The following THPO variants were observed in gnomAD, a reference collection of about 807,000 sequenced individuals.
THPO encodes the protein thrombopoietin, also known as MPL ligand.
In THPO, 12 loss-of-function variants were observed where a neutral mutation model predicts 17.0. The ratio of observed to expected loss-of-function variants is 0.71; its 90% CI spans 0.45 to 1.14. THPO has a LOEUF of 1.14. Ranked by LOEUF, THPO falls within the 50% of genes most tolerant of loss-of-function variation. The probability of loss-of-function intolerance (pLI) is 0.00; values close to 1 mark genes in which losing one functional copy is unlikely to be tolerated. For synonymous variants in THPO, 188 were observed against 183.0 expected (o/e 1.03, Z -0.22); for missense variants, 365 against 427.5 (o/e 0.85, Z 1.29).
At position 184,373,004 on chromosome 3, in the gene THPO, T is replaced by C. The variant is rs1231201913; in HGVS notation, c.571A>G (p.Thr191Ala). The change falls in exon 6 of 6, where the codon ACA becomes GCA. Residue 191 changes from threonine to alanine, a missense_variant. Physicochemically the swap from Thr to Ala is moderately conservative, Grantham distance 58. Transcript: ENST00000647395. ...GTCCTGTTTGGGAGCTCGTTCAGTG[T>C]GAGGACTAGAGAGGTTCTGCTGGGG... ...AVPSRTSLVL[T>A]LNELPNRTSG... 1 of 1,613,996 alleles carries C rather than the reference T, an allele frequency of 6.2e-7. No homozygotes were observed. Among genetic ancestry groups the C allele is most frequent in the Non-Finnish European group, 8.5e-7 (1 of 1,180,028 alleles).
At chr3:184,375,693 C>T (rs766628344) in intron 3 of THPO, 92 bp from the exon 4 acceptor site, 69 of 1,490,616 alleles carry the variant, frequency 4.6e-5, no homozygotes, top group Non-Finnish European at 6.0e-5. Context: ...TGAGTACTAT[C>T]TCTAGACGAG....
Position 184,372,362 on chromosome 3 carries a change from T to C in THPO, c.*151A>G, listed in dbSNP as rs1713959722. On this transcript the variant is annotated 3_prime_UTR_variant, in exon 6 of 6. Transcript: ENST00000647395. ...AAGGTTTATAATGTACAGTGAAAAATGATTCCCTTTTCAGTCCTGTGTATC... is the reference window on the plus strand; with the variant it reads ...AAGGTTTATAATGTACAGTGAAAAACGATTCCCTTTTCAGTCCTGTGTATC... 5 of 913,348 alleles carry C rather than the reference T, an allele frequency of 5.5e-6. No individual in the cohort carries two copies. Among genetic ancestry groups the C allele is most frequent in the Non-Finnish European group, 8.7e-6 (5 of 571,454 alleles). The allele number at this position is 913,348 out of a possible 1,614,324, so 56.6% of individuals were successfully genotyped here.
intron 3 of THPO, 45 bp downstream of exon 3, chr3:184,375,843 C>G (rs1017682549): frequency 1.3e-5 from 21 of 1,611,524 alleles, no homozygotes; most frequent in Non-Finnish European, 1.8e-5. Context: ...GTATGGGTGT[C>G]TTACCAGTTA....
intron 5 of THPO, 38 bp from the exon 6 acceptor site, chr3:184,373,216 GC>G (rs565431853): frequency 6.2e-7 from 1 of 1,606,000 alleles, no homozygotes; most frequent in South Asian, 1.1e-5. Flanking sequence ...AAACACCAGG[GC>G]CAGATCTCAG....
intron 1 of THPO, among the ~76,000 whole-genome samples, chr3:184,377,328 C>T (rs1279098435): frequency 1.3e-5 from 2 of 152,176 alleles, no homozygotes; most frequent in Non-Finnish European, 2.9e-5. Context: ...GACTCCAAGT[C>T]CTGAAATACT....
At position 184,373,008 on chromosome 3, in the gene THPO, G is replaced by A; in HGVS notation, c.567C>T (p.Val189=). 6.2e-7 allele frequency: 1 copy of A among 1,614,110 alleles called. No homozygotes were observed. Among genetic ancestry groups the A allele is most frequent in the Admixed American group, 1.7e-5 (1 of 60,020 alleles). Residue 189 remains valine, a synonymous_variant, in exon 6 of 6, where the codon GTC becomes GTT. Coordinates refer to ENST00000647395, the MANE Select transcript of THPO (RefSeq NM_000460.4). ...TTAVPSRTSL[V]LTLNELPNRT... ...TGTTTGGGAGCTCGTTCAGTGTGAG[G>A]ACTAGAGAGGTTCTGCTGGGGACAG...
At chr3:184,377,171 C>A (rs59414157) in intron 1 of THPO, among the ~76,000 whole-genome samples, 1 of 148,606 alleles carries the variant, frequency 6.7e-6, no homozygotes, top group Non-Finnish European at 1.5e-5. Context: ...GTAACTTCTG[C>A]GGTGGGGAGT....
At chr3:184,373,739 G>A (rs575468840) in intron 4 of THPO, among the ~76,000 whole-genome samples, 157 bp from the exon 5 acceptor site, 7 of 152,306 alleles carry the variant, frequency 4.6e-5, no homozygotes, top group East Asian at 1.9e-4. Flanking sequence ...ACAGTCTCCC[G>A]ACAGCTGGTC....
upstream of THPO, among the ~76,000 whole-genome samples, chr3:184,379,346 A>G (rs1483026337): frequency 6.6e-6 from 1 of 151,832 alleles, no homozygotes; most frequent in Non-Finnish European, 1.5e-5. Flanking sequence ...GGGTGAAGGA[A>G]GGGGGTGAGA....
Position 184,372,618 on chromosome 3 carries a change from C to A in THPO, c.957G>T (p.Gln319His). The change falls in exon 6 of 6, where the codon CAG becomes CAT. Residue 319 changes from glutamine (Q) to histidine (H), a missense_variant. By Grantham distance (24) the Gln-to-His change is conservative. Transcript: ENST00000647395. ...LPPTLPTPVV[Q>H]LHPLLPDPSA... is the part of the protein sequence containing the mutation. Reference sequence around the variant, plus strand: ...AAGGGTCAGGAAGCAGGGGGTGGAGCTGGACCACAGGGGTGGGCAAGGTGG... The same window carrying A: ...AAGGGTCAGGAAGCAGGGGGTGGAGATGGACCACAGGGGTGGGCAAGGTGG... The A allele has an allele frequency of 6.2e-7, 1 of 1,613,432 alleles. No homozygotes were observed. Among genetic ancestry groups the A allele is most frequent in the South Asian group, 1.1e-5 (1 of 91,002 alleles).
At position 184,372,679 on chromosome 3, in the gene THPO, G is replaced by A; in HGVS notation, c.896C>T (p.Pro299Leu). The change falls in exon 6 of 6, where the codon CCT (proline) becomes CTT (leucine). Residue 299 changes from proline (P) to leucine (L), a missense_variant. By Grantham distance (98) the Pro-to-Leu change is moderately conservative. Transcript: ENST00000647395. ...GAAGAGCGTATACTGTCCAGTAGGA[G>A]GATGGGTTGGGGAAGGAGAATATCC... ...QPGYSPSPTH[P>L]PTGQYTLFPL... The A allele has an allele frequency of 6.2e-7, 1 of 1,613,114 alleles. No individual in the cohort carries two copies.
intron 4 of THPO, among the ~76,000 whole-genome samples, chr3:184,374,380 T>C (rs1268902079): frequency 6.6e-6 from 1 of 152,168 alleles, no homozygotes; most frequent in Non-Finnish European, 1.5e-5. Context: ...TTCTTGAGGA[T>C]AGATTTTAGT....
chr3:184,377,414 CCTGCTG>C (rs1214819826), intron 1 of THPO, among the ~76,000 whole-genome samples: 1 of 152,210 alleles, frequency 6.6e-6, no homozygotes, highest in East Asian at 1.9e-4. Flanking sequence ...GGAACGGGCA[CCTGCTG>C]GGTGATGCCC....
At chr3:184,377,823 G>A (rs1317005937) in intron 1 of THPO, among the ~76,000 whole-genome samples, 1 of 152,170 alleles carries the variant, frequency 6.6e-6, no homozygotes, top group African/African-American at 2.4e-5. Flanking sequence ...CTGGGCTCAT[G>A]TCCCCTTTCC....
chr3:184,377,171 C>T (rs59414157), intron 1 of THPO, among the ~76,000 whole-genome samples: 3,322 of 148,724 alleles, frequency 0.022, 118 homozygotes, highest in African/African-American at 0.076. Context: ...GTAACTTCTG[C>T]GGTGGGGAGT....
intron 3 of THPO, 119 bp from the exon 4 acceptor site, chr3:184,375,720 C>T (rs1040730142): frequency 4.0e-5 from 59 of 1,461,482 alleles, no homozygotes; most frequent in Non-Finnish European, 5.5e-5. Flanking sequence ...TAAATGCGGG[C>T]TGTATTGTGA....
chr3:184,373,227 G>A, intron 5 of THPO, 49 bp from the exon 6 acceptor site: 1 of 1,604,422 alleles, frequency 6.2e-7, no homozygotes, highest in South Asian at 1.1e-5. Flanking sequence ...CCAGATCTCA[G>A]GCCTCCCTTG....
rs2108617808 is a variant in THPO, at chr3:184,372,807, T to A, written c.768A>T (p.Gly256=). 1 of 1,614,094 alleles carries A rather than the reference T, an allele frequency of 6.2e-7. No individual in the cohort carries two copies. Among genetic ancestry groups the A allele is most frequent in the East Asian group, 2.2e-5 (1 of 44,864 alleles). ...YLNRIHELLN[G]TRGLFPGPSR... ...AGGGTCCAGGAAAGAGTCCACGAGT[T>A]CCATTCAAGAGTTCGTGTATCCTGT... Residue 256 remains glycine (G), a synonymous_variant, in exon 6 of 6, where the codon GGA becomes GGT. Transcript: ENST00000647395.
rs560785829 is a variant in THPO at position 184,372,311 on chromosome 3, CTGATAGCT to C, written c.*194_*201del. Reference sequence around the variant, plus strand: ...GAGCTAGCTGCTCTGATGAGTATTGCTGATAGCTTAAAAAAATAGCTTCTGAAGGTTTA... The same window carrying C: ...GAGCTAGCTGCTCTGATGAGTATTGCTAAAAAAATAGCTTCTGAAGGTTTA... On this transcript the variant is annotated 3_prime_UTR_variant, in exon 6 of 6. Coordinates refer to ENST00000647395, the MANE Select transcript of THPO (RefSeq NM_000460.4). 107 of 641,798 alleles carry C rather than the reference CTGATAGCT, an allele frequency of 1.7e-4. No homozygotes were observed. The East Asian group carries it at 2.9e-3, about 17-fold the overall frequency. The allele number at this position is 641,798 out of a possible 1,614,324, so 39.8% of individuals were successfully genotyped here.
Sources: gnomAD v4.1 joint callset for allele counts (sites outside exome capture counted in the v4.1 genomes callset) on GRCh38, gnomAD v4.1.1 for gene constraint, MANE v1.5 for transcripts, NCBI Gene and HGNC (gene_info 2026-07-23, HGNC 2026-07-21) for gene names.